PAFAH1B1: variants seen among roughly 807,000 people sequenced by gnomAD.
The protein encoded by PAFAH1B1 is platelet activating factor acetylhydrolase 1b regulatory subunit 1, also known as platelet-activating factor acetylhydrolase IB subunit beta.
A neutral mutation model predicts 57.5 loss-of-function variants in PAFAH1B1; 2 were observed. That is an observed-to-expected ratio of 0.03 (90% CI 0.01 to 0.11). The LOEUF (loss-of-function observed/expected upper bound fraction) is 0.11, where lower values mean the gene tolerates loss of function less well. Ranked by LOEUF, PAFAH1B1 falls within the 10% of genes least tolerant of loss-of-function variation. PAFAH1B1 has a pLI of 1.00. For missense variants in PAFAH1B1, 257 were observed against 512.0 expected (o/e 0.50, Z 4.81); for synonymous variants, 152 against 169.6 (o/e 0.90, Z 0.81).
At chr17:2,680,042 A>G in intron 9 of PAFAH1B1, 122 bp from the exon 10 acceptor site, 1 of 912,198 alleles carries the variant, frequency 1.1e-6, no homozygotes. Context: ...AGAATCCCCT[A>G]GACTTTTATT....
intron 1 of PAFAH1B1, among the ~76,000 whole-genome samples, chr17:2,605,510 C>A (rs1206731803): frequency 6.6e-6 from 1 of 152,194 alleles, no homozygotes; most frequent in Non-Finnish European, 1.5e-5. Flanking sequence ...AAAGACTTCT[C>A]TTACATGTCC....
At chr17:2,620,630 GA>G (rs1430561895) in intron 1 of PAFAH1B1, among the ~76,000 whole-genome samples, 2 of 152,140 alleles carry the variant, frequency 1.3e-5, no homozygotes, top group Non-Finnish European at 1.5e-5. Context: ...TTGGGAGGCC[GA>G]GGTCGGTAGA....
chr17:2,624,667 A>G (rs1342219581), intron 1 of PAFAH1B1, among the ~76,000 whole-genome samples: 1 of 152,142 alleles, frequency 6.6e-6, no homozygotes, highest in Admixed American at 6.6e-5. Flanking sequence ...TCCGTAACAC[A>G]TGGGAATTCT....
At chr17:2,665,526 CAGTT>C in intron 3 of PAFAH1B1, 70 bp downstream of exon 3, 1 of 876,148 alleles carries the variant, frequency 1.1e-6, no homozygotes, top group South Asian at 1.4e-5. Flanking sequence ...CTGTAGTTAA[CAGTT>C]ACGCACAATT....
At chr17:2,664,374 G>C (rs1030181979) in intron 2 of PAFAH1B1, among the ~76,000 whole-genome samples, 10 of 151,298 alleles carry the variant, frequency 6.6e-5, no homozygotes, top group Non-Finnish European at 1.0e-4. Flanking sequence ...TCCCAAGTAG[G>C]TGGGATTACA....
intron 2 of PAFAH1B1, among the ~76,000 whole-genome samples, chr17:2,655,784 GAA>G (rs771848909): frequency 2.8e-5 from 4 of 141,078 alleles, no homozygotes; most frequent in Non-Finnish European, 3.1e-5. Context: ...CGACCGATGT[GAA>G]AAAAAAAAAA....
intron 1 of PAFAH1B1, among the ~76,000 whole-genome samples, chr17:2,616,634 G>T (rs1011432156): frequency 2.0e-5 from 3 of 152,146 alleles, no homozygotes; most frequent in African/African-American, 4.8e-5. Context: ...TGTATCTGAA[G>T]AAATATCTTC....
chr17:2,593,585 G>C (rs2151603363), upstream of PAFAH1B1, among the ~76,000 whole-genome samples: 1 of 148,898 alleles, frequency 6.7e-6, no homozygotes, highest in South Asian at 2.2e-4. Flanking sequence ...TTCCTGGCGG[G>C]TCTGGGGCGG....
intron 1 of PAFAH1B1, among the ~76,000 whole-genome samples, chr17:2,597,403 CT>C (rs1187594089): frequency 0.057 from 3,690 of 64,254 alleles, 63 homozygotes; most frequent in African/African-American, 0.17. Flanking sequence ...ACATCCGTGT[CT>C]TTTTTTTTTT....
chr17:2,652,963 A>G (rs931537337), intron 2 of PAFAH1B1, among the ~76,000 whole-genome samples: 2 of 152,200 alleles, frequency 1.3e-5, no homozygotes, highest in African/African-American at 2.4e-5. Context: ...ATAAAGACAC[A>G]TGCACACATA....
At chr17:2,612,260 G>T (rs1465305467) in intron 1 of PAFAH1B1, among the ~76,000 whole-genome samples, 2 of 149,680 alleles carry the variant, frequency 1.3e-5, no homozygotes, top group Admixed American at 6.7e-5. Context: ...CTGGAGTGCA[G>T]TGGCATGATC....
At chr17:2,605,542 A>G (rs1383640845) in intron 1 of PAFAH1B1, among the ~76,000 whole-genome samples, 1 of 152,084 alleles carries the variant, frequency 6.6e-6, no homozygotes, top group Non-Finnish European at 1.5e-5. Flanking sequence ...CCTGTTTCTT[A>G]TTGCCTTCCA....
At chr17:2,623,377 G>GC (rs1304005646) in intron 1 of PAFAH1B1, among the ~76,000 whole-genome samples, 8 of 143,308 alleles carry the variant, frequency 5.6e-5, no homozygotes, top group East Asian at 4.3e-4. Context: ...TCTTGACTCA[G>GC]CCTCCCGAGT....
chr17:2,604,081 G>A lies in PAFAH1B1; in HGVS notation c.-191+10075G>A, dbSNP rs539476653. Among the ~76,000 whole-genome samples the A allele has an allele frequency of 1.6e-4, 23 of 148,054 alleles. No homozygotes were observed. The East Asian group carries it at 2.3e-3, about 15-fold the overall frequency. On this transcript the variant is annotated intron_variant, in intron 1 of 10. Coordinates refer to ENST00000397195, the MANE Select transcript of PAFAH1B1 (RefSeq NM_000430.4). The stretch of plus-strand genomic sequence containing the variant: ...TTTGAGACGGAGTTGAGGTCTTGTC[G>A]CCCAGGAGTGCAATGGCGTGATCTT...
At chr17:2,650,510 TAA>T (rs11385415) in intron 2 of PAFAH1B1, among the ~76,000 whole-genome samples, 15 of 128,294 alleles carry the variant, frequency 1.2e-4, no homozygotes, top group Admixed American at 3.9e-4. Flanking sequence ...AGACTCCATC[TAA>T]AAAAAAAAAA....
At position 2,683,894 on chromosome 17, in the gene PAFAH1B1, G is replaced by A. The variant is rs1484676017; in HGVS notation, c.*2092G>A. 3 of 152,692 alleles carry A rather than the reference G, an allele frequency of 2.0e-5. No individual in the cohort carries two copies. In the East Asian group the frequency reaches 5.8e-4, roughly 29 times the overall value. The allele number at this position is 152,692 out of a possible 1,614,324, so 9.5% of individuals were successfully genotyped here. A position where few individuals can be genotyped will look rare whatever the true frequency, so the allele number is the denominator to read the frequency against. ...TTGTTTGTACATGTATAAATGTCTT[G>A]TATTTTAATTCATTTTTAGCATGAA... On this transcript the variant is annotated 3_prime_UTR_variant, in exon 11 of 11. Coordinates refer to ENST00000397195, the MANE Select transcript of PAFAH1B1 (RefSeq NM_000430.4).
At position 2,593,788 on chromosome 17, in the gene PAFAH1B1, A is replaced by C; in HGVS notation, c.-409A>C. ...GGGAGCGCTCGGGCGCGAGCGAGAG[A>C]AACCGCGAGCGCCGAGCTTGGACTC... On this transcript the variant is annotated 5_prime_UTR_variant, in exon 1 of 11. Coordinates refer to ENST00000397195, the MANE Select transcript of PAFAH1B1 (RefSeq NM_000430.4). 1 of 390,008 alleles carries C rather than the reference A, an allele frequency of 2.6e-6. No individual in the cohort carries two copies. The highest frequency in any genetic ancestry group is 3.6e-5 in the East Asian group (1 of 27,500). 24.2% of individuals were successfully genotyped at this position (390,008 alleles called of 1,614,324 possible). A position where few individuals can be genotyped will look rare whatever the true frequency, so the allele number is the denominator to read the frequency against.
chr17:2,646,519 G>A (rs1328340700), intron 2 of PAFAH1B1, among the ~76,000 whole-genome samples: 2 of 152,140 alleles, frequency 1.3e-5, no homozygotes, highest in Non-Finnish European at 2.9e-5. Flanking sequence ...CGGGTGTGGT[G>A]GCACATGCCT....
chr17:2,595,309 G>C (rs1167313138), intron 1 of PAFAH1B1, among the ~76,000 whole-genome samples: 2 of 152,058 alleles, frequency 1.3e-5, no homozygotes, highest in Non-Finnish European at 2.9e-5. Context: ...TTGTTGGGGG[G>C]GTGGGTTATT....
Sources: allele counts gnomAD v4.1 joint callset (sites outside exome capture counted in the v4.1 genomes callset), GRCh38; gene constraint gnomAD v4.1.1; transcripts MANE v1.5; gene names NCBI Gene and HGNC (gene_info 2026-07-23, HGNC 2026-07-21).